Variants in SUPT3H observed in about 807,000 individuals in gnomAD.
SUPT3H encodes transcription initiation protein SPT3 homolog.
A neutral mutation model predicts 44.3 loss-of-function variants in SUPT3H; 44 were observed. The observed-to-expected ratio is 0.99, with a 90% CI of 0.78 to 1.28. The LOEUF (loss-of-function observed/expected upper bound fraction) is 1.28. Among genes scored for constraint, SUPT3H ranks in the 50% most tolerant of loss-of-function variants. SUPT3H has a pLI of 0.00. For missense variants in SUPT3H, 380 were observed against 387.1 expected (o/e 0.98, Z 0.15); for synonymous variants, 124 against 125.6 (o/e 0.99, Z 0.09).
At chr6:44,965,432 A>C (rs1440776199) in intron 6 of SUPT3H, among the ~76,000 whole-genome samples, 1 of 152,230 alleles carries the variant, frequency 6.6e-6, no homozygotes, top group Non-Finnish European at 1.5e-5. Flanking sequence ...ATTATATGAT[A>C]TAACACATGA....
intron 2 of SUPT3H, among the ~76,000 whole-genome samples, chr6:45,339,979 TGAG>T (rs1789419871): frequency 6.6e-6 from 1 of 152,118 alleles, no homozygotes; most frequent in South Asian, 2.1e-4. Context: ...TATTTACAGA[TGAG>T]GAAGCTGAGA....
At chr6:45,180,663 A>G (rs962043789) in intron 2 of SUPT3H, among the ~76,000 whole-genome samples, 16 of 152,300 alleles carry the variant, frequency 1.1e-4, no homozygotes, top group Non-Finnish European at 2.9e-5. Context: ...TTGGCTAGCC[A>G]TATGTAGAAA....
intron 2 of SUPT3H, among the ~76,000 whole-genome samples, chr6:45,248,535 A>C (rs1474468906): frequency 6.6e-6 from 1 of 152,218 alleles, no homozygotes; most frequent in Non-Finnish European, 1.5e-5. Context: ...TCATAGTATG[A>C]CACATCTTCA....
At chr6:45,216,266 A>G (rs547072098) in intron 2 of SUPT3H, among the ~76,000 whole-genome samples, 1 of 152,152 alleles carries the variant, frequency 6.6e-6, no homozygotes, top group African/African-American at 2.4e-5. Flanking sequence ...TACCATCATG[A>G]AAACACACAA....
chr6:45,307,660 A>C (rs1783263941), intron 2 of SUPT3H, among the ~76,000 whole-genome samples: 1 of 152,210 alleles, frequency 6.6e-6, no homozygotes, highest in African/African-American at 2.4e-5. Context: ...AAAAAGACAA[A>C]GATGGGGAAA....
intron 2 of SUPT3H, among the ~76,000 whole-genome samples, chr6:45,305,579 T>C (rs1402648314): frequency 6.6e-6 from 1 of 152,236 alleles, no homozygotes; most frequent in Non-Finnish European, 1.5e-5. Context: ...ATTCAAGCCC[T>C]CAGCATTGTT....
chr6:45,130,207 T>G (rs889999110), intron 2 of SUPT3H, among the ~76,000 whole-genome samples: 1 of 152,190 alleles, frequency 6.6e-6, no homozygotes, highest in Non-Finnish European at 1.5e-5. Context: ...GCATCTTCCC[T>G]GCCTCAGGCA....
At chr6:44,915,377 T>C (rs1302373703) in intron 10 of SUPT3H, among the ~76,000 whole-genome samples, 1 of 152,224 alleles carries the variant, frequency 6.6e-6, no homozygotes, top group Non-Finnish European at 1.5e-5. Flanking sequence ...TTGAATAATT[T>C]ACGGTTCTGC....
chr6:45,067,648 C>G (rs980214482), intron 3 of SUPT3H, among the ~76,000 whole-genome samples: 3 of 150,958 alleles, frequency 2.0e-5, no homozygotes, highest in Non-Finnish European at 4.4e-5. Context: ...AAAAAGTGGG[C>G]GAAGGACATG....
chr6:44,844,319 T>C (rs1325993918), intron 10 of SUPT3H, among the ~76,000 whole-genome samples: 2 of 152,164 alleles, frequency 1.3e-5, no homozygotes, highest in Non-Finnish European at 2.9e-5. Flanking sequence ...TTTGTGCCCT[T>C]ATAAGCAAAG....
At chr6:45,335,909 A>G (rs1047543813) in intron 2 of SUPT3H, among the ~76,000 whole-genome samples, 17 of 151,372 alleles carry the variant, frequency 1.1e-4, no homozygotes, top group Non-Finnish European at 1.8e-4. Flanking sequence ...TACTGCTCTT[A>G]TAAGAGTCAA....
chr6:45,042,998 T>A (rs1788779183), intron 3 of SUPT3H, among the ~76,000 whole-genome samples: 1 of 152,202 alleles, frequency 6.6e-6, no homozygotes, highest in South Asian at 2.1e-4. Flanking sequence ...GAAGGATTTT[T>A]ACAAAACGGC....
chr6:45,273,154 A>T (rs746703664), intron 2 of SUPT3H, among the ~76,000 whole-genome samples: 54 of 152,346 alleles, frequency 3.5e-4, no homozygotes, highest in Non-Finnish European at 6.9e-4. Context: ...TCAGAATTGT[A>T]TAAGGTGAAC....
chr6:45,351,450 T>C (rs1182684235), intron 2 of SUPT3H, among the ~76,000 whole-genome samples: 2 of 152,066 alleles, frequency 1.3e-5, no homozygotes, highest in Non-Finnish European at 2.9e-5. Flanking sequence ...AAGATCACTG[T>C]AACATAGTAA....
At chr6:44,980,575 C>T (rs945442697) in intron 6 of SUPT3H, among the ~76,000 whole-genome samples, 2 of 152,120 alleles carry the variant, frequency 1.3e-5, no homozygotes, top group Admixed American at 6.5e-5. Flanking sequence ...TTAAAATACC[C>T]AGCTACAAAT....
chr6:45,024,788 G>T (rs1439782198), intron 3 of SUPT3H, among the ~76,000 whole-genome samples: 9 of 152,162 alleles, frequency 5.9e-5, no homozygotes, highest in Non-Finnish European at 1.2e-4. Context: ...CCTCCTTAAT[G>T]TGGGTGGGCC....
intron 10 of SUPT3H, among the ~76,000 whole-genome samples, chr6:44,849,387 C>T (rs931705684): frequency 9.3e-5 from 14 of 151,110 alleles, no homozygotes; most frequent in Admixed American, 7.9e-4. Context: ...CCACTACGCC[C>T]GGCTAATTTT....
chr6:45,138,896 A>C (rs75519314), intron 2 of SUPT3H, among the ~76,000 whole-genome samples: 1,801 of 152,318 alleles, frequency 0.012, 21 homozygotes, highest in Non-Finnish European at 0.018. Flanking sequence ...AGTAAATGAT[A>C]ATGACAATAA....
At chr6:45,037,333 A>G (rs997320336) in intron 3 of SUPT3H, among the ~76,000 whole-genome samples, 5 of 151,844 alleles carry the variant, frequency 3.3e-5, no homozygotes, top group African/African-American at 1.2e-4. Flanking sequence ...AGACTATGAA[A>G]GTAGATGAAC....
Sources: gnomAD v4.1 joint callset for allele counts (sites outside exome capture counted in the v4.1 genomes callset) on GRCh38, gnomAD v4.1.1 for gene constraint, MANE v1.5 for transcripts, NCBI Gene and HGNC (gene_info 2026-07-23, HGNC 2026-07-21) for gene names.